Variants in KIAA1958 observed in about 807,000 individuals in gnomAD.
KIAA1958 encodes the protein uncharacterized protein KIAA1958.
Under a neutral mutation model 47.2 loss-of-function variants are expected in KIAA1958, and 14 were observed. The observed-to-expected ratio is 0.30, with a 90% CI of 0.20 to 0.46. KIAA1958 has a LOEUF of 0.46. Ranked by LOEUF, KIAA1958 falls within the 20% of genes least tolerant of loss-of-function variation. The pLI is 1.00. For synonymous variants in KIAA1958, 354 were observed against 353.3 expected, an observed-to-expected ratio of 1.00 and a Z score of -0.02; for missense variants, 803 against 909.2, an observed-to-expected ratio of 0.88 and a Z score of 1.50.
In KIAA1958 at chr9:112,663,886, A is replaced by G. The variant is rs1837316671; in HGVS notation, c.*3817A>G. 6.6e-6 allele frequency: 1 copy of G among 152,256 alleles called. No individual in the cohort carries two copies. The highest frequency in any genetic ancestry group is 2.4e-5 in the African/African-American group (1 of 41,466). The allele number at this position is 152,256 out of a possible 1,614,324, so 9.4% of individuals were successfully genotyped here. On this transcript the variant is annotated 3_prime_UTR_variant, in exon 4 of 4. Coordinates refer to ENST00000337530, the MANE Select transcript of KIAA1958 (RefSeq NM_133465.4). Reference sequence around the variant, plus strand: ...TCAAGCATTATATGCCACACTCAGCATTTTCATAGACATAGTCATTAGGAG... The same window carrying G: ...TCAAGCATTATATGCCACACTCAGCGTTTTCATAGACATAGTCATTAGGAG...
intron 2 of KIAA1958, among the ~76,000 whole-genome samples, chr9:112,610,819 T>A (rs1341342987): frequency 3.3e-5 from 5 of 152,166 alleles, no homozygotes; most frequent in Non-Finnish European, 7.4e-5. Context: ...CAAAATTTGC[T>A]TATGAATACC....
chr9:112,525,952 T>C (rs1160346718), intron 1 of KIAA1958, among the ~76,000 whole-genome samples: 1 of 20,592 alleles, frequency 4.9e-5, no homozygotes, highest in Non-Finnish European at 8.0e-5. Context: ...CTTCTTCTTC[T>C]TCTTCTTCTT....
In KIAA1958 at chr9:112,585,946, G is replaced by GCCTA. The variant is rs1307758761; in HGVS notation, c.1171+10697_1171+10700dup. Among the ~76,000 whole-genome samples the GCCTA allele has an allele frequency of 7.9e-5, 12 of 152,308 alleles. No homozygotes were observed. The East Asian group carries it at 2.3e-3, about 29-fold the overall frequency. On this transcript the variant is annotated intron_variant, in intron 2 of 3. Transcript: ENST00000337530. The stretch of plus-strand genomic sequence containing the variant: ...TTCATCCAACAAATACCCATTGGAA[G>GCCTA]CCTACAAAGTGCCAAGTTCAGATTA...
chr9:112,501,405 T>G (rs1480524484), intron 1 of KIAA1958, among the ~76,000 whole-genome samples: 7 of 152,080 alleles, frequency 4.6e-5, no homozygotes, highest in Non-Finnish European at 1.5e-5. Flanking sequence ...ATGGCGCCGC[T>G]GCATTCTAGA....
At chr9:112,534,467 G>A (rs1033006525) in intron 1 of KIAA1958, among the ~76,000 whole-genome samples, 7 of 151,816 alleles carry the variant, frequency 4.6e-5, no homozygotes, top group Admixed American at 1.3e-4. Flanking sequence ...GTGAGCATTC[G>A]TTGATGTTTT....
intron 1 of KIAA1958, among the ~76,000 whole-genome samples, chr9:112,501,147 C>CT (rs915606577): frequency 5.1e-4 from 76 of 148,084 alleles, no homozygotes; most frequent in Admixed American, 8.1e-4. Flanking sequence ...ACTCAAAAAA[C>CT]TTTTTTTTTT....
chr9:112,652,892 T>A (rs767443125), intron 3 of KIAA1958, among the ~76,000 whole-genome samples: 1 of 152,204 alleles, frequency 6.6e-6, no homozygotes, highest in Non-Finnish European at 1.5e-5. Flanking sequence ...GTCCTGGGAT[T>A]ACAGGCATGA....
intron 3 of KIAA1958, among the ~76,000 whole-genome samples, chr9:112,647,226 G>T (rs549718035): frequency 6.6e-5 from 10 of 152,286 alleles, no homozygotes; most frequent in Admixed American, 5.9e-4. Context: ...GAAAGGCAGG[G>T]TCCTGTCTGA....
rs1192281093 is a variant in KIAA1958 at position 112,665,220 on chromosome 9, A to G, written c.*5151A>G. 6.6e-6 allele frequency: 1 copy of G among 152,150 alleles called. No individual in the cohort carries two copies. Among genetic ancestry groups the G allele is most frequent in the Non-Finnish European group, 1.5e-5 (1 of 68,030 alleles). The allele number at this position is 152,150 out of a possible 1,614,324, so 9.4% of individuals were successfully genotyped here. On this transcript the variant is annotated 3_prime_UTR_variant, in exon 4 of 4. Coordinates refer to ENST00000337530, the MANE Select transcript of KIAA1958 (RefSeq NM_133465.4). The stretch of plus-strand genomic sequence containing the variant: ...TCCTAGATACTTGGTGGTCAATAGA[A>G]CTGATTTGATTAACTTTCATTTAAC...
At chr9:112,504,204 G>A (rs1439284064) in intron 1 of KIAA1958, among the ~76,000 whole-genome samples, 1 of 102,872 alleles carries the variant, frequency 9.7e-6, no homozygotes, top group South Asian at 3.2e-4. Context: ...TTTTTTTTTT[G>A]GAGACAGAGT....
At chr9:112,516,192 C>T (rs563497808) in intron 1 of KIAA1958, among the ~76,000 whole-genome samples, 8 of 151,884 alleles carry the variant, frequency 5.3e-5, no homozygotes, top group African/African-American at 1.9e-4. Flanking sequence ...GTTAATTGTT[C>T]TAGCACTTTG....
At position 112,575,033 on chromosome 9, in the gene KIAA1958, A is replaced by T; in HGVS notation, c.953A>T (p.Asn318Ile). ...MQMPVSTSHP[N>I]KQISIPLSAL... The stretch of plus-strand genomic sequence containing the variant: ...ATGCCTGTGAGCACATCCCATCCTA[A>T]CAAACAGATCAGTATCCCCTTGTCT... The change falls in exon 2 of 4, where the codon AAC (asparagine) becomes ATC (isoleucine). Residue 318 changes from asparagine (N) to isoleucine (I), a missense_variant. Asn to Ile is a moderately radical substitution (Grantham distance 149). Coordinates refer to ENST00000337530, the MANE Select transcript of KIAA1958 (RefSeq NM_133465.4). 1 of 1,614,030 alleles carries T rather than the reference A, an allele frequency of 6.2e-7. No homozygotes were observed. The highest frequency in any genetic ancestry group is 8.5e-7 in the Non-Finnish European group (1 of 1,180,004).
rs528213540 is a variant in KIAA1958, at chr9:112,558,054, G to A, written c.-24-16003G>A. Among the ~76,000 whole-genome samples, 63 of 152,026 alleles carry A rather than the reference G, an allele frequency of 4.1e-4. No individual in the cohort carries two copies. The South Asian group carries it at 5.2e-3, about 13-fold the overall frequency. ...ATCCTGGCCAACATGGTGAAACCCCGTCTCTACTAAAATACAAAAAATTAG... is the reference window on the plus strand; with the variant it reads ...ATCCTGGCCAACATGGTGAAACCCCATCTCTACTAAAATACAAAAAATTAG... On this transcript the variant is annotated intron_variant, in intron 1 of 3. Transcript: ENST00000337530.
chr9:112,586,798 G>C (rs1835834194), intron 2 of KIAA1958, among the ~76,000 whole-genome samples: 1 of 152,200 alleles, frequency 6.6e-6, no homozygotes, highest in African/African-American at 2.4e-5. Flanking sequence ...CTTCAGAACT[G>C]AAGAGGTGTT....
intron 2 of KIAA1958, among the ~76,000 whole-genome samples, chr9:112,640,114 T>C (rs193118355): frequency 4.6e-4 from 70 of 152,364 alleles, no homozygotes; most frequent in Non-Finnish European, 8.7e-4. Context: ...TAACTTGCTA[T>C]TGAATGCTGA....
chr9:112,568,945 A>AAAAAG (rs1835482914), intron 1 of KIAA1958, among the ~76,000 whole-genome samples: 1 of 141,382 alleles, frequency 7.1e-6, no homozygotes, highest in East Asian at 2.2e-4. Context: ...CTAAAAAAAA[A>AAAAAG]AAAAAAAAAA....
intron 2 of KIAA1958, among the ~76,000 whole-genome samples, chr9:112,599,628 G>C (rs1705738161): frequency 6.6e-6 from 1 of 152,208 alleles, no homozygotes; most frequent in Admixed American, 6.5e-5. Context: ...TATGTGCAAA[G>C]CTGTGGCTTC....
chr9:112,645,633 AT>A lies in KIAA1958; in HGVS notation c.1172-15del, dbSNP rs1564200454. 1 of 1,537,898 alleles carries A rather than the reference AT, an allele frequency of 6.5e-7. No individual in the cohort carries two copies. The highest frequency in any genetic ancestry group is 1.2e-5 in the South Asian group (1 of 85,460). ...AATGGCAAATTATTTTAATGCTTTT[AT>A]TGTTTTTATTTCTAGCTTATTCCAC... On this transcript the variant is annotated splice_polypyrimidine_tract_variant and intron_variant, in intron 2 of 3. Coordinates refer to ENST00000337530, the MANE Select transcript of KIAA1958 (RefSeq NM_133465.4).
intron 1 of KIAA1958, among the ~76,000 whole-genome samples, chr9:112,573,374 C>T (rs750611088): frequency 2.6e-5 from 4 of 152,268 alleles, no homozygotes; most frequent in African/African-American, 4.8e-5. Context: ...CAGGGCCTCC[C>T]GCTTCCCCAT....
Sources: allele counts gnomAD v4.1 joint callset (sites outside exome capture counted in the v4.1 genomes callset), GRCh38; gene constraint gnomAD v4.1.1; transcripts MANE v1.5; gene names NCBI Gene and HGNC (gene_info 2026-07-23, HGNC 2026-07-21).